Variants in VAX2 observed in about 807,000 individuals in gnomAD.
VAX2 encodes ventral anterior homeobox 2.
Under a neutral mutation model 12.5 loss-of-function variants are expected in VAX2, and 8 were observed. The ratio of observed to expected loss-of-function variants is 0.64; its 90% CI spans 0.37 to 1.15. The LOEUF is 1.15. VAX2 is among the 50% of genes most tolerant of loss of function. The pLI, the probability that VAX2 is intolerant of heterozygous loss-of-function variation, is 0.01. For synonymous variants in VAX2, 183 were observed against 187.6 expected, an observed-to-expected ratio of 0.98 and a Z score of 0.20; for missense variants, 476 against 412.9, an observed-to-expected ratio of 1.15 and a Z score of -1.32.
chr2:70,932,987 T>C lies in VAX2; in HGVS notation c.656T>C (p.Leu219Ser). ...GLPASHRGTS[L>S]GDPRNSSPRL... ...CCTGCCAGCCACAGGGGCACCTCCT[T>C]AGGTGACCCCAGGAACTCCTCCCCA... is the stretch of plus-strand genomic sequence containing the variant. The change falls in exon 3 of 3, where the codon TTA (leucine) becomes TCA (serine). Residue 219 changes from leucine (L) to serine (S), a missense_variant. By Grantham distance (145) the Leu-to-Ser change is moderately radical. Transcript: ENST00000234392. 6.2e-7 allele frequency: 1 copy of C among 1,608,664 alleles called. No homozygotes were observed. The highest frequency in any genetic ancestry group is 8.5e-7 in the Non-Finnish European group (1 of 1,176,842).
chr2:70,918,084 G>C (rs368167873), intron 1 of VAX2, among the ~76,000 whole-genome samples: 1 of 152,302 alleles, frequency 6.6e-6, no homozygotes, highest in South Asian at 2.1e-4. Context: ...ATTGGAGTTG[G>C]GGAGCTTGAG....
Position 70,900,768 on chromosome 2 carries a change from C to G in VAX2, c.147C>G (p.Thr49=), listed in dbSNP as rs1439310105. The change falls in exon 1 of 3, where the codon ACC becomes ACG. Residue 49 remains threonine (T), a synonymous_variant. Transcript: ENST00000234392. ...ACAGCCCAACGGAGGTGGCCGGGACCTCAGCCTCCAGTCCCGCAGGCTCCA... is the reference window on the plus strand; with the variant it reads ...ACAGCCCAACGGAGGTGGCCGGGACGTCAGCCTCCAGTCCCGCAGGCTCCA... The part of the protein sequence containing the change: ...GGHSPTEVAG[T]SASSPAGSRE... 2 of 1,496,068 alleles carry G rather than the reference C, an allele frequency of 1.3e-6. No individual in the cohort carries two copies. Among genetic ancestry groups the G allele is most frequent in the Non-Finnish European group, 1.8e-6 (2 of 1,123,076 alleles). The allele number at this position is 1,496,068 out of a possible 1,614,324, so 92.7% of individuals were successfully genotyped here. A position where few individuals can be genotyped will look rare whatever the true frequency, so the allele number is the denominator to read the frequency against.
intron 1 of VAX2, among the ~76,000 whole-genome samples, chr2:70,901,485 G>A (rs561546193): frequency 6.6e-6 from 1 of 152,358 alleles, no homozygotes; most frequent in African/African-American, 2.4e-5. Flanking sequence ...GCCGGCTCTC[G>A]GCGCCGCCTT....
rs1462574629 is a variant in VAX2, at chr2:70,904,885, A to G, written c.247+4017A>G. Among the ~76,000 whole-genome samples the G allele has an allele frequency of 1.3e-5, 2 of 152,100 alleles. No individual in the cohort carries two copies. Among genetic ancestry groups the G allele is most frequent in the African/African-American group, 4.8e-5 (2 of 41,436 alleles). ...CAGTCGGGACCCACGCTCCGGAAAC[A>G]CCCAAGTCCGAACTCGTACACACAG... On this transcript the variant is annotated intron_variant, in intron 1 of 2. Coordinates refer to ENST00000234392, the MANE Select transcript of VAX2 (RefSeq NM_012476.3). The surrounding 1 kb of genome is among the most constrained non-coding windows in gnomAD (Gnocchi z 4.2).
chr2:70,917,785 G>A (rs929929612), intron 1 of VAX2, among the ~76,000 whole-genome samples: 1 of 152,044 alleles, frequency 6.6e-6, no homozygotes, highest in East Asian at 1.9e-4. Flanking sequence ...GGGAAGGATG[G>A]TTTGATCTCA....
At chr2:70,931,909 G>C (rs914762122) in intron 2 of VAX2, among the ~76,000 whole-genome samples, 1 of 152,264 alleles carries the variant, frequency 6.6e-6, no homozygotes, top group Non-Finnish European at 1.5e-5. Context: ...AGATGTTACA[G>C]TTTAGACCTG....
chr2:70,910,841 C>A (rs531049873), intron 1 of VAX2, among the ~76,000 whole-genome samples: 2 of 148,006 alleles, frequency 1.4e-5, no homozygotes, highest in East Asian at 3.9e-4. Flanking sequence ...AAAAAACTTT[C>A]TTTGTGGGAT....
At chr2:70,921,709 C>G (rs528477066) in intron 2 of VAX2, among the ~76,000 whole-genome samples, 49 of 152,166 alleles carry the variant, frequency 3.2e-4, no homozygotes, top group Admixed American at 1.2e-3. Context: ...TCTCGCTTCT[C>G]CATTTCTGGC....
chr2:70,920,304 T>C (rs1679423720), intron 1 of VAX2, among the ~76,000 whole-genome samples: 1 of 152,180 alleles, frequency 6.6e-6, no homozygotes, highest in South Asian at 2.1e-4. Context: ...CCCCTGTAGT[T>C]AAATGTTACT....
Position 70,904,406 on chromosome 2 carries a change from C to T in VAX2, c.247+3538C>T, listed in dbSNP as rs782177010. On this transcript the variant is annotated intron_variant, in intron 1 of 2. Transcript: ENST00000234392. The surrounding 1 kb of genome is among the most constrained non-coding windows in gnomAD (Gnocchi z 4.2). ...CCCTACAACCCCGCGATCGATGCTCCACCTGCACGCTCAAACGCACCTGTT... is the reference window on the plus strand; with the variant it reads ...CCCTACAACCCCGCGATCGATGCTCTACCTGCACGCTCAAACGCACCTGTT... 2.0e-5 allele frequency among the ~76,000 whole-genome samples: 3 copies of T among 152,204 alleles called. No homozygotes were observed. Among genetic ancestry groups the T allele is most frequent in the Non-Finnish European group, 4.4e-5 (3 of 68,036 alleles).
At chr2:70,902,109 A>G (rs1678948549) in intron 1 of VAX2, among the ~76,000 whole-genome samples, 1 of 152,176 alleles carries the variant, frequency 6.6e-6, no homozygotes, top group Non-Finnish European at 1.5e-5. Flanking sequence ...GAGCTCGGCT[A>G]CCCTCAAGCT....
chr2:70,931,653 G>T (rs1489563562), intron 2 of VAX2, among the ~76,000 whole-genome samples: 1 of 152,248 alleles, frequency 6.6e-6, no homozygotes, highest in Admixed American at 6.5e-5. Context: ...TGCCAACAAA[G>T]TGTCCAGTTT....
At chr2:70,903,016 AGGTTATTATGGGCCTGAAACGC>A (rs1678968282) in intron 1 of VAX2, among the ~76,000 whole-genome samples, 1 of 152,158 alleles carries the variant, frequency 6.6e-6, no homozygotes, top group East Asian at 1.9e-4. Flanking sequence ...AATGATAGGG[AGGTTATTATGGGCCTGAAACGC>A]TCAGGATGTG....
intron 1 of VAX2, among the ~76,000 whole-genome samples, chr2:70,905,407 C>T (rs925018296): frequency 6.6e-6 from 1 of 152,056 alleles, no homozygotes; most frequent in Non-Finnish European, 1.5e-5. Flanking sequence ...GCCCACATTC[C>T]CATAGCGTGC....
intron 1 of VAX2, among the ~76,000 whole-genome samples, chr2:70,901,956 C>A (rs1047054038): frequency 6.6e-6 from 1 of 152,244 alleles, no homozygotes; most frequent in Non-Finnish European, 1.5e-5. Context: ...TCTTTCCAGC[C>A]TCTTCACACG....
intron 1 of VAX2, among the ~76,000 whole-genome samples, chr2:70,915,383 C>T (rs959769253): frequency 6.6e-5 from 10 of 152,068 alleles, no homozygotes; most frequent in Non-Finnish European, 1.5e-4. Context: ...TGCCTGCCAC[C>T]GCATCCAGCT....
At chr2:70,930,576 TC>T (rs1679673083) in intron 2 of VAX2, among the ~76,000 whole-genome samples, 1 of 152,160 alleles carries the variant, frequency 6.6e-6, no homozygotes, top group Admixed American at 6.5e-5. Context: ...CTGGACATCT[TC>T]TGGTGTGAGG....
chr2:70,912,203 TG>T (rs1679200889), intron 1 of VAX2, among the ~76,000 whole-genome samples: 1 of 152,250 alleles, frequency 6.6e-6, no homozygotes, highest in African/African-American at 2.4e-5. Flanking sequence ...ATTTGCTGTG[TG>T]GTAATGCAAG....
At chr2:70,915,857 T>TGTACTTCCCATGCA in intron 1 of VAX2, among the ~76,000 whole-genome samples, 1 of 152,338 alleles carries the variant, frequency 6.6e-6, no homozygotes, top group East Asian at 1.9e-4. Flanking sequence ...TCCCATGCTA[T>TGTACTTCCCATGCA]TGTTTCCCCA....
Sources: gnomAD v4.1 joint callset for allele counts (sites outside exome capture counted in the v4.1 genomes callset) on GRCh38, gnomAD v4.1.1 for gene constraint, Gnocchi (gnomAD v3.1) non-coding constraint, MANE v1.5 for transcripts, NCBI Gene and HGNC (gene_info 2026-07-23, HGNC 2026-07-21) for gene names.